Variants in TPO observed in about 807,000 individuals in gnomAD.
TPO encodes thyroid microsomal antigen.
Under a neutral mutation model 96.9 loss-of-function variants are expected in TPO, and 78 were observed. The observed-to-expected ratio is 0.81, with a 90% CI of 0.67 to 0.97. TPO has a LOEUF of 0.97. Ranked by LOEUF, TPO falls within the 50% of genes least tolerant of loss-of-function variation. TPO has a pLI of 0.00. For missense variants in TPO, 1,252 were observed against 1,274.8 expected (o/e 0.98, Z 0.27); for synonymous variants, 547 against 538.0 (o/e 1.02, Z -0.23).
At chr2:1,517,365 T>C (rs1399359853) in intron 15 of TPO, among the ~76,000 whole-genome samples, 2 of 152,304 alleles carry the variant, frequency 1.3e-5, no homozygotes, top group African/African-American at 4.8e-5. Flanking sequence ...TTCAGTTTTA[T>C]TCCCTCCCTT....
intron 3 of TPO, among the ~76,000 whole-genome samples, chr2:1,429,820 A>C (rs1483638911): frequency 6.6e-6 from 1 of 152,244 alleles, no homozygotes; most frequent in Non-Finnish European, 1.5e-5. Context: ...AAAGAATTCA[A>C]GGGGTGGTCT....
At chr2:1,457,999 T>C (rs549595757) in intron 7 of TPO, among the ~76,000 whole-genome samples, 1 of 151,646 alleles carries the variant, frequency 6.6e-6, no homozygotes, top group East Asian at 1.9e-4. Flanking sequence ...CACGTGTGTA[T>C]ATGGCATATA....
chr2:1,387,541 T>C (rs945848275), intron 1 of TPO, among the ~76,000 whole-genome samples: 1 of 152,242 alleles, frequency 6.6e-6, no homozygotes, highest in Non-Finnish European at 1.5e-5. Flanking sequence ...ATAGTTCTTG[T>C]GCCTTGGTTT....
chr2:1,455,140 C>T (rs530246718), intron 6 of TPO, among the ~76,000 whole-genome samples: 2 of 152,186 alleles, frequency 1.3e-5, no homozygotes, highest in South Asian at 2.1e-4. Flanking sequence ...CTCCACCTCC[C>T]GTCAGGAGAG....
chr2:1,455,059 C>A (rs1667662137), intron 6 of TPO, among the ~76,000 whole-genome samples: 1 of 152,190 alleles, frequency 6.6e-6, no homozygotes, highest in Non-Finnish European at 1.5e-5. Flanking sequence ...GTGCCTGCAT[C>A]CCCTGGCTCA....
chr2:1,530,094 C>CA (rs1187974144), intron 15 of TPO, among the ~76,000 whole-genome samples: 1 of 140,108 alleles, frequency 7.1e-6, no homozygotes, highest in African/African-American at 2.8e-5. Flanking sequence ...CAAATCCCCC[C>CA]ACTGTTTGCA....
upstream of TPO, among the ~76,000 whole-genome samples, chr2:1,410,884 T>A (rs1274212329): frequency 2.6e-5 from 4 of 152,198 alleles, no homozygotes; most frequent in East Asian, 7.7e-4. Flanking sequence ...AAAACTGTCC[T>A]CTTTCTCACT....
Position 1,395,306 on chromosome 2 carries a change from G to T in TPO, n.180+20904G>T, listed in dbSNP as rs114455110. 9.1e-3 allele frequency among the ~76,000 whole-genome samples: 1,380 copies of T among 152,104 alleles called. 24 individuals are homozygous for T. The highest frequency in any genetic ancestry group is 0.031 in the African/African-American group (1,274 of 41,488). On this transcript the variant is annotated intron_variant and non_coding_transcript_variant, in intron 1 of 5. Transcript: ENST00000497517. ...CCAAGCAGAACAGCTCTGACACAAA[G>T]ATTTCCCATGTGACCATTCAAGATT...
chr2:1,504,264 G>A (rs1029862531), intron 14 of TPO, among the ~76,000 whole-genome samples, 185 bp downstream of exon 14: 4 of 152,212 alleles, frequency 2.6e-5, no homozygotes, highest in Non-Finnish European at 4.4e-5. Context: ...GATGCACTTC[G>A]TGTGCCTGCT....
chr2:1,385,579 A>G (rs760269408), intron 1 of TPO, among the ~76,000 whole-genome samples: 30 of 148,112 alleles, frequency 2.0e-4, no homozygotes, highest in Non-Finnish European at 3.7e-4. Flanking sequence ...TTTTTATTGC[A>G]TCTATTTGAT....
intron 3 of TPO, 130 bp from the exon 4 acceptor site, chr2:1,433,308 C>A: frequency 8.5e-7 from 1 of 1,178,290 alleles, no homozygotes; most frequent in South Asian, 1.4e-5. Flanking sequence ...CTGTGCACAC[C>A]CCGCAGTGCC....
At position 1,484,719 on chromosome 2, in the gene TPO, G is replaced by T. The variant is rs1232608834; in HGVS notation, c.1462G>T (p.Ala488Ser). The T allele has an allele frequency of 1.2e-6, 2 of 1,613,984 alleles. No individual in the cohort carries two copies. The highest frequency in any genetic ancestry group is 1.7e-6 in the Non-Finnish European group (2 of 1,180,036). Reference sequence around the variant, plus strand: ...CACTGTGTCCAACGTGTTCTCCACAGCCGCCTTCCGCTTCGGCCATGCCAC... The same window carrying T: ...CACTGTGTCCAACGTGTTCTCCACATCCGCCTTCCGCTTCGGCCATGCCAC... Reference protein sequence around the residue: ...NPTVSNVFSTAAFRFGHATIH... With the variant: ...NPTVSNVFSTSAFRFGHATIH... Residue 488 changes from alanine (A) to serine (S), a missense_variant, in exon 9 of 17, where the codon GCC becomes TCC. Physicochemically the swap from Ala to Ser is moderately conservative, Grantham distance 99. Coordinates refer to ENST00000329066, the MANE Select transcript of TPO (RefSeq NM_001206744.2).
chr2:1,458,328 A>G (rs1668074444), intron 7 of TPO, among the ~76,000 whole-genome samples: 1 of 150,938 alleles, frequency 6.6e-6, no homozygotes, highest in South Asian at 2.1e-4. Context: ...ATAAGATAAT[A>G]TGCGGACATG....
intron 1 of TPO, among the ~76,000 whole-genome samples, chr2:1,385,526 G>A (rs1368780996): frequency 3.3e-5 from 5 of 152,012 alleles, no homozygotes; most frequent in South Asian, 2.1e-4. Context: ...TCTGATGGTC[G>A]TTTGTATTTC....
intron 3 of TPO, 56 bp from the exon 4 acceptor site, chr2:1,433,382 G>C: frequency 5.0e-6 from 8 of 1,595,506 alleles, no homozygotes; most frequent in Non-Finnish European, 6.9e-6. Flanking sequence ...TAGTAATTAA[G>C]TACCAAAGAT....
chr2:1,418,243 C>T (rs1663130699), intron 2 of TPO, among the ~76,000 whole-genome samples: 3 of 150,594 alleles, frequency 2.0e-5, no homozygotes, highest in Admixed American at 1.3e-4. Flanking sequence ...CGAGATCACA[C>T]CACTGCACTC....
At chr2:1,397,739 T>A (rs550781942) in intron 1 of TPO, among the ~76,000 whole-genome samples, 7 of 152,234 alleles carry the variant, frequency 4.6e-5, no homozygotes, top group African/African-American at 1.7e-4. Flanking sequence ...AAGGGGCTCC[T>A]CCATCCTCCT....
intron 5 of TPO, 150 bp from the exon 6 acceptor site, chr2:1,453,544 G>A (rs1667505750): frequency 1.6e-6 from 2 of 1,220,232 alleles, no homozygotes; most frequent in African/African-American, 3.0e-5. Context: ...GCCTCCAGGA[G>A]GCCTTTCGGG....
intron 4 of TPO, among the ~76,000 whole-genome samples, chr2:1,434,121 C>T (rs1457531266): frequency 6.6e-6 from 1 of 152,140 alleles, no homozygotes; most frequent in Non-Finnish European, 1.5e-5. Flanking sequence ...ATCAGAAGAC[C>T]AGTGCATAAA....
Sources: allele counts gnomAD v4.1 joint callset (sites outside exome capture counted in the v4.1 genomes callset), GRCh38; gene constraint gnomAD v4.1.1; transcripts MANE v1.5; gene names NCBI Gene and HGNC (gene_info 2026-07-23, HGNC 2026-07-21).